NELL1: variants seen among roughly 807,000 people sequenced by gnomAD.
NELL1 encodes protein kinase C-binding protein NELL1.
In NELL1, 76 loss-of-function variants were observed where a neutral mutation model predicts 107.4. The observed-to-expected ratio is 0.71, with a 90% CI of 0.59 to 0.86. The LOEUF (loss-of-function observed/expected upper bound fraction) is 0.86. NELL1 is among the 40% of genes least tolerant of loss of function. NELL1 has a pLI of 0.00. For missense variants in NELL1, 1,024 were observed against 1,005.5 expected (o/e 1.02, Z -0.25); for synonymous variants, 353 against 341.2 (o/e 1.03, Z -0.38).
At chr11:21,137,645 T>C (rs192546297) in intron 13 of NELL1, among the ~76,000 whole-genome samples, 1 of 152,276 alleles carries the variant, frequency 6.6e-6, no homozygotes, top group East Asian at 1.9e-4. Flanking sequence ...TCAGGCCAAC[T>C]GTTAGGATGA....
chr11:20,731,399 C>T (rs752923353), intron 2 of NELL1, among the ~76,000 whole-genome samples: 1 of 152,018 alleles, frequency 6.6e-6, no homozygotes, highest in Non-Finnish European at 1.5e-5. Flanking sequence ...GAGTAGGAAC[C>T]TTTGCTTCTA....
chr11:20,928,084 A>ATTT (rs1850537910), intron 8 of NELL1, among the ~76,000 whole-genome samples: 2 of 152,230 alleles, frequency 1.3e-5, no homozygotes, highest in African/African-American at 4.8e-5. Context: ...AGAGTCTGCA[A>ATTT]ATGTGTTATT....
intron 15 of NELL1, among the ~76,000 whole-genome samples, chr11:21,482,727 A>G (rs1362816875): frequency 6.6e-6 from 1 of 151,634 alleles, no homozygotes; most frequent in Non-Finnish European, 1.5e-5. Flanking sequence ...TCATGGCCGT[A>G]TATGAGAATT....
intron 14 of NELL1, among the ~76,000 whole-genome samples, chr11:21,240,448 G>A (rs1858323564): frequency 6.6e-6 from 1 of 151,984 alleles, no homozygotes; most frequent in African/African-American, 2.4e-5. Flanking sequence ...TAGGCCCAGA[G>A]AAGGTTACGC....
intron 12 of NELL1, among the ~76,000 whole-genome samples, chr11:21,070,591 G>T (rs186885216): frequency 2.3e-4 from 35 of 152,246 alleles, no homozygotes; most frequent in African/African-American, 8.4e-4. Flanking sequence ...TACAGAGAGT[G>T]TGCTTATTTT....
chr11:20,702,110 A>G (rs1418742959), intron 2 of NELL1, among the ~76,000 whole-genome samples: 1 of 152,084 alleles, frequency 6.6e-6, no homozygotes, highest in Non-Finnish European at 1.5e-5. Context: ...CAGTATGGCC[A>G]TTTTCATGAT....
chr11:21,050,852 C>T (rs565593424), intron 12 of NELL1, among the ~76,000 whole-genome samples: 2 of 152,226 alleles, frequency 1.3e-5, no homozygotes, highest in Middle Eastern at 3.4e-3. Flanking sequence ...GGCTGTGTCT[C>T]TATAGATCTG....
rs188963443 is a variant in NELL1, at chr11:21,552,665, T to C, written c.1787-7524T>C. On this transcript the variant is annotated intron_variant, in intron 16 of 19. Coordinates refer to ENST00000357134, the MANE Select transcript of NELL1 (RefSeq NM_006157.5). ...AATTAGGGGGCAGCCCCAGAGCTAT[T>C]TTACCGAACCAGTTGTTTGTTTAGC... 4.6e-5 allele frequency among the ~76,000 whole-genome samples: 7 copies of C among 151,838 alleles called. No homozygotes were observed. The East Asian group carries it at 1.2e-3, about 25-fold the overall frequency.
chr11:21,402,722 G>A (rs760072459), intron 15 of NELL1, among the ~76,000 whole-genome samples: 14 of 150,008 alleles, frequency 9.3e-5, no homozygotes, highest in African/African-American at 2.0e-4. Context: ...CATTCTATTC[G>A]AGTAAATAAG....
chr11:20,902,379 T>C (rs1721038458), intron 5 of NELL1, among the ~76,000 whole-genome samples: 2 of 152,092 alleles, frequency 1.3e-5, no homozygotes, highest in African/African-American at 2.4e-5. Flanking sequence ...GTAATTCAAG[T>C]TCACTAGTTA....
intron 12 of NELL1, among the ~76,000 whole-genome samples, chr11:21,100,342 C>T (rs1252765489): frequency 6.6e-6 from 1 of 152,172 alleles, no homozygotes; most frequent in Non-Finnish European, 1.5e-5. Flanking sequence ...TTTAAGTGTA[C>T]AGTTCAGTGG....
At chr11:21,084,802 C>T (rs1854350714) in intron 12 of NELL1, among the ~76,000 whole-genome samples, 1 of 152,162 alleles carries the variant, frequency 6.6e-6, no homozygotes. Flanking sequence ...AGCTTAGTGG[C>T]AAGCTGTGCA....
intron 4 of NELL1, among the ~76,000 whole-genome samples, chr11:20,866,872 G>A (rs958965868): frequency 6.6e-6 from 1 of 152,078 alleles, no homozygotes. Flanking sequence ...TCAGCTCCTC[G>A]AACTTATTTT....
intron 2 of NELL1, among the ~76,000 whole-genome samples, chr11:20,773,945 A>G (rs1206787344): frequency 6.6e-6 from 1 of 151,878 alleles, no homozygotes; most frequent in Non-Finnish European, 1.5e-5. Flanking sequence ...CTATGATGAC[A>G]TGACCTAAAC....
chr11:21,552,912 A>C (rs1030620518), intron 16 of NELL1, among the ~76,000 whole-genome samples: 2 of 151,808 alleles, frequency 1.3e-5, no homozygotes, highest in Admixed American at 1.3e-4. Flanking sequence ...TCCCCTTAGA[A>C]GTTTGGAACT....
intron 2 of NELL1, among the ~76,000 whole-genome samples, chr11:20,730,626 C>T (rs929532416): frequency 6.6e-6 from 1 of 152,128 alleles, no homozygotes; most frequent in Non-Finnish European, 1.5e-5. Context: ...TTGGTCCATT[C>T]CCCCAGCTTT....
At chr11:20,910,574 G>A (rs957128578) in intron 5 of NELL1, among the ~76,000 whole-genome samples, 1 of 152,214 alleles carries the variant, frequency 6.6e-6, no homozygotes, top group Non-Finnish European at 1.5e-5. Flanking sequence ...GAAAGGTCCT[G>A]TGATTAGATT....
chr11:21,132,551 C>T (rs1855645884), intron 13 of NELL1, among the ~76,000 whole-genome samples: 1 of 152,176 alleles, frequency 6.6e-6, no homozygotes, highest in African/African-American at 2.4e-5. Flanking sequence ...GCTGCTGGCA[C>T]AGGTGCTAGC....
At chr11:21,150,195 C>A (rs1423569154) in intron 13 of NELL1, among the ~76,000 whole-genome samples, 1 of 152,108 alleles carries the variant, frequency 6.6e-6, no homozygotes, top group South Asian at 2.1e-4. Flanking sequence ...AGGAGGAAAG[C>A]TTGTGGTCAG....
Sources: gnomAD v4.1 joint callset for allele counts (sites outside exome capture counted in the v4.1 genomes callset) on GRCh38, gnomAD v4.1.1 for gene constraint, MANE v1.5 for transcripts, NCBI Gene and HGNC (gene_info 2026-07-23, HGNC 2026-07-21) for gene names.